The following AFF2 variants were observed in gnomAD, a reference collection of about 807,000 sequenced individuals.
The protein encoded by AFF2 is ALF transcription elongation factor 2, also known as AF4/FMR2 family member 2.
AFF2 carries 14 observed loss-of-function variants against 76.9 expected under a neutral mutation model. The observed-to-expected ratio is 0.18, with a 90% CI of 0.12 to 0.28. AFF2 has a LOEUF of 0.28. AFF2 is among the 10% of genes least tolerant of loss of function. The probability of loss-of-function intolerance (pLI) is 1.00; values close to 1 mark genes in which losing one functional copy is unlikely to be tolerated. For synonymous variants in AFF2, 398 were observed against 366.7 expected, an observed-to-expected ratio of 1.09 and a Z score of -0.98; for missense variants, 868 against 1,001.1, an observed-to-expected ratio of 0.87 and a Z score of 1.79.
At chrX:148,621,774 AG>A (rs1437224773) in intron 1 of AFF2, among the ~76,000 whole-genome samples, 1 of 111,501 alleles carries the variant, frequency 9.0e-6, no homozygotes, top group East Asian at 2.9e-4. Context: ...ACTATGTGCC[AG>A]GTACTCTGCT....
At chrX:148,784,146 A>G (rs1471553352) in intron 3 of AFF2, among the ~76,000 whole-genome samples, 1 of 112,161 alleles carries the variant, frequency 8.9e-6, no homozygotes, top group Non-Finnish European at 1.9e-5. Context: ...GATTAAGGAA[A>G]CTTCCCTAAT....
intron 1 of AFF2, among the ~76,000 whole-genome samples, chrX:148,537,404 A>C (rs2052797479): frequency 9.0e-6 from 1 of 111,729 alleles, no homozygotes; most frequent in Admixed American, 9.5e-5. Context: ...GCACCAAGTT[A>C]CCCTGAATTC....
chrX:148,687,994 G>A (rs962624638), intron 3 of AFF2, among the ~76,000 whole-genome samples: 3 of 110,447 alleles, frequency 2.7e-5, no homozygotes, highest in African/African-American at 6.6e-5. Context: ...AGCTGATGGC[G>A]CTACTATCTA....
chrX:148,581,018 A>AACATGTGTATATATACACATATATAC lies in AFF2; in HGVS notation c.48-70977_48-70976insGTGTATATATACACATATATACACAT, dbSNP rs1402426571. 3.0e-4 allele frequency among the ~76,000 whole-genome samples: 14 copies of AACATGTGTATATATACACATATATAC among 46,267 alleles called. 1 individual carries two copies. Among genetic ancestry groups the AACATGTGTATATATACACATATATAC allele is most frequent in the African/African-American group, 9.3e-4 (12 of 12,897 alleles). The allele number at this position is 46,267 out of a possible 115,157, so 40.2% of individuals were successfully genotyped here. On this transcript the variant is annotated intron_variant, in intron 1 of 20. Transcript: ENST00000370460. ...TACATATATGCACCTCCTACACACAAACATATGTGTATATATACACACATA... is the reference window on the plus strand; with the variant it reads ...TACATATATGCACCTCCTACACACAAACATGTGTATATATACACATATATACACATATGTGTATATATACACACATA...
intron 1 of AFF2, among the ~76,000 whole-genome samples, chrX:148,532,438 T>A (rs917077399): frequency 5.3e-5 from 6 of 112,244 alleles, no homozygotes; most frequent in African/African-American, 1.9e-4. Context: ...GTAAGATTTA[T>A]TTAACCATAT....
chrX:148,947,090 G>T (rs1458070939), intron 9 of AFF2, among the ~76,000 whole-genome samples: 1 of 111,877 alleles, frequency 8.9e-6, no homozygotes, highest in Non-Finnish European at 1.9e-5. Context: ...GAATGAATAG[G>T]TGTGGACCTC....
intron 1 of AFF2, among the ~76,000 whole-genome samples, chrX:148,553,164 C>T (rs1020232168): frequency 8.0e-5 from 9 of 111,851 alleles, no homozygotes; most frequent in East Asian, 2.8e-4. Flanking sequence ...ATAAAATATA[C>T]GGGTATTCAG....
chrX:148,798,322 C>T (rs1394757739), intron 3 of AFF2, among the ~76,000 whole-genome samples: 11 of 112,207 alleles, frequency 9.8e-5, no homozygotes, highest in Non-Finnish European at 2.1e-4. Context: ...CCTCTGAATA[C>T]TGTTACAGTG....
intron 1 of AFF2, among the ~76,000 whole-genome samples, chrX:148,560,069 A>G (rs1417440464): frequency 2.7e-5 from 3 of 111,785 alleles, no homozygotes; most frequent in Non-Finnish European, 3.8e-5. Flanking sequence ...GGCTGCAAAA[A>G]TGTCTTTTTT....
intron 4 of AFF2, among the ~76,000 whole-genome samples, chrX:148,824,060 C>CCTCTCTCTCTCTCTCTCTCTCTCTCT (rs60032031): frequency 5.2e-5 from 5 of 96,654 alleles, no homozygotes; most frequent in African/African-American, 1.6e-4. Flanking sequence ...ATATTTGCTT[C>CCTCTCTCTCTCTCTCTCTCTCTCTCT]CTCTCTCTCT....
At chrX:148,955,566 G>A (rs41300321) in intron 10 of AFF2, 37 bp from the exon 11 acceptor site, 59,068 of 1,172,682 alleles carry the variant, frequency 0.05, 2,513 homozygotes, top group African/African-American at 0.3. Context: ...CTTCCCAAGT[G>A]TAAAAATCAT....
At chrX:148,827,484 G>A (rs1468220674) in intron 4 of AFF2, among the ~76,000 whole-genome samples, 1 of 111,684 alleles carries the variant, frequency 9.0e-6, no homozygotes, top group Non-Finnish European at 1.9e-5. Context: ...GCCCCCCTTT[G>A]CCTGGAGTTG....
At chrX:148,631,767 G>A (rs1557253092) in intron 1 of AFF2, among the ~76,000 whole-genome samples, 1 of 112,298 alleles carries the variant, frequency 8.9e-6, no homozygotes. Flanking sequence ...AGTTAGGGAG[G>A]TAAGTGGGAG....
At chrX:148,759,252 A>G (rs187015453) in intron 3 of AFF2, among the ~76,000 whole-genome samples, 165 of 112,221 alleles carry the variant, frequency 1.5e-3, no homozygotes, top group African/African-American at 5.2e-3. Flanking sequence ...CTTTACAGAA[A>G]GCTGCATTTC....
At chrX:148,567,672 A>C (rs1412361869) in intron 1 of AFF2, among the ~76,000 whole-genome samples, 1 of 111,505 alleles carries the variant, frequency 9.0e-6, no homozygotes, top group African/African-American at 3.3e-5. Flanking sequence ...AAGAGAGATA[A>C]ACTGACCATG....
intron 3 of AFF2, among the ~76,000 whole-genome samples, chrX:148,755,322 C>T (rs1211517511): frequency 2.7e-5 from 3 of 111,544 alleles, no homozygotes; most frequent in Non-Finnish European, 5.7e-5. Context: ...AAACGTTTCC[C>T]TTTTTTTTCC....
At chrX:148,517,720 A>C (rs2124209054) in intron 1 of AFF2, among the ~76,000 whole-genome samples, 1 of 112,039 alleles carries the variant, frequency 8.9e-6, no homozygotes, top group East Asian at 2.8e-4. Context: ...ACTCTAAATT[A>C]GAAAATAATT....
At position 148,999,205 on chromosome X, in the gene AFF2, T is replaced by C. The variant is rs181528352; in HGVS notation, c.*7873T>C. On this transcript the variant is annotated 3_prime_UTR_variant, in exon 21 of 21. Coordinates refer to ENST00000370460, the MANE Select transcript of AFF2 (RefSeq NM_002025.4). ...ACCCCTGAGAGTTGTCAGGGGTGTC[T>C]TCTGCCTGGTCTATAGCGTGTGTGT... 1 of 111,534 alleles carries C rather than the reference T, an allele frequency of 9.0e-6. No homozygotes were observed. The highest frequency in any genetic ancestry group is 2.8e-4 in the East Asian group (1 of 3,528). 9.2% of individuals were successfully genotyped at this position (111,534 alleles called of 1,213,427 possible).
intron 3 of AFF2, among the ~76,000 whole-genome samples, chrX:148,800,125 T>A (rs2070037727): frequency 8.9e-6 from 1 of 111,737 alleles, no homozygotes; most frequent in African/African-American, 3.3e-5. Context: ...TTAATTAGAG[T>A]CATAAATAAT....
Sources: gnomAD v4.1 joint callset for allele counts (sites outside exome capture counted in the v4.1 genomes callset) on GRCh38, gnomAD v4.1.1 for gene constraint, MANE v1.5 for transcripts, NCBI Gene and HGNC (gene_info 2026-07-23, HGNC 2026-07-21) for gene names.